The following GPC6 variants were observed in gnomAD, a reference collection of about 807,000 sequenced individuals.
GPC6 encodes glypican 6.
A neutral mutation model predicts 55.2 loss-of-function variants in GPC6; 14 were observed. The ratio of observed to expected loss-of-function variants is 0.25; its 90% CI spans 0.17 to 0.40. The LOEUF is 0.40. GPC6 is among the 10% of genes least tolerant of loss of function. The probability of loss-of-function intolerance (pLI) is 1.00; values close to 1 mark genes in which losing one functional copy is unlikely to be tolerated. For synonymous variants in GPC6, 278 were observed against 259.6 expected (o/e 1.07, Z -0.68); for missense variants, 641 against 708.5 (o/e 0.90, Z 1.08).
intron 1 of GPC6, among the ~76,000 whole-genome samples, chr13:93,304,522 G>C (rs1878790849): frequency 6.6e-6 from 1 of 152,116 alleles, no homozygotes; most frequent in African/African-American, 2.4e-5. Context: ...AGAGTCTGTG[G>C]CTCCATATGT....
At position 93,807,997 on chromosome 13, in the gene GPC6, T is replaced by C. The variant is rs150253061; in HGVS notation, c.320-22157T>C. Among the ~76,000 whole-genome samples the C allele has an allele frequency of 3.3e-5, 5 of 152,210 alleles. No individual in the cohort carries two copies. The East Asian group carries it at 9.7e-4, about 29-fold the overall frequency. On this transcript the variant is annotated intron_variant, in intron 2 of 8. Coordinates refer to ENST00000377047, the MANE Select transcript of GPC6 (RefSeq NM_005708.5). ...ATTATGAGTCTGACTTAATGAAGAG[T>C]AGATGGGTGACTTAGACAACATTGT...
At chr13:93,569,400 A>G (rs1876290446) in intron 2 of GPC6, among the ~76,000 whole-genome samples, 1 of 152,176 alleles carries the variant, frequency 6.6e-6, no homozygotes, top group Admixed American at 6.5e-5. Flanking sequence ...ATGTTAATAC[A>G]TATAAAGGAA....
chr13:93,610,191 A>T (rs539974823), intron 2 of GPC6, among the ~76,000 whole-genome samples: 4 of 152,264 alleles, frequency 2.6e-5, no homozygotes, highest in Admixed American at 2.0e-4. Flanking sequence ...TACGGAAAAA[A>T]CTTCGTAAGT....
chr13:93,442,475 A>G (rs1397634568), intron 1 of GPC6, among the ~76,000 whole-genome samples: 1 of 152,184 alleles, frequency 6.6e-6, no homozygotes. Context: ...TCTTTACTAT[A>G]TACAATTTTA....
At chr13:94,088,580 G>A (rs1885370067) in intron 4 of GPC6, among the ~76,000 whole-genome samples, 1 of 111,686 alleles carries the variant, frequency 9.0e-6, no homozygotes, top group Non-Finnish European at 2.0e-5. Context: ...GGGAAGGGAG[G>A]GGAGGGGAGG....
chr13:94,250,713 G>T (rs936265185), intron 4 of GPC6, among the ~76,000 whole-genome samples: 2 of 152,120 alleles, frequency 1.3e-5, no homozygotes, highest in Non-Finnish European at 2.9e-5. Flanking sequence ...AATAATCTGG[G>T]AATGGGGAAG....
chr13:94,126,047 A>G (rs1886796750), intron 4 of GPC6, among the ~76,000 whole-genome samples: 1 of 152,166 alleles, frequency 6.6e-6, no homozygotes, highest in Non-Finnish European at 1.5e-5. Context: ...GGAGGGCATC[A>G]TGATAACAAC....
At chr13:93,622,896 C>T (rs1353005876) in intron 2 of GPC6, among the ~76,000 whole-genome samples, 1 of 152,184 alleles carries the variant, frequency 6.6e-6, no homozygotes, top group African/African-American at 2.4e-5. Flanking sequence ...TAACCAATCT[C>T]TCCCCATTCC....
intron 3 of GPC6, among the ~76,000 whole-genome samples, chr13:93,856,157 A>G (rs1888602423): frequency 6.6e-6 from 1 of 151,500 alleles, no homozygotes; most frequent in South Asian, 2.1e-4. Flanking sequence ...TCTCTCCTTC[A>G]GGCTCAAGAG....
intron 3 of GPC6, among the ~76,000 whole-genome samples, chr13:93,879,956 A>G (rs966020679): frequency 1.1e-4 from 17 of 149,538 alleles, no homozygotes; most frequent in Admixed American, 1.3e-4. Flanking sequence ...CAAAAAACAC[A>G]TGAAAAAATG....
intron 4 of GPC6, among the ~76,000 whole-genome samples, chr13:94,271,020 C>G (rs1377943480): frequency 8.1e-6 from 1 of 122,942 alleles, no homozygotes; most frequent in Non-Finnish European, 1.6e-5. Flanking sequence ...GACGGAGTCT[C>G]GCTCTGTCGC....
chr13:94,128,816 C>G (rs1286326429), intron 4 of GPC6, among the ~76,000 whole-genome samples: 1 of 152,152 alleles, frequency 6.6e-6, no homozygotes, highest in Non-Finnish European at 1.5e-5. Flanking sequence ...TATCTTTATT[C>G]AGAAGGTCGG....
At chr13:93,476,593 A>C (rs114969071) in intron 1 of GPC6, among the ~76,000 whole-genome samples, 2 of 152,210 alleles carry the variant, frequency 1.3e-5, no homozygotes, top group Non-Finnish European at 2.9e-5. Context: ...TTCTTAATAC[A>C]TAATTGTTGA....
Position 93,672,215 on chromosome 13 carries a change from ATG to A in GPC6, c.319+126810_319+126811del, listed in dbSNP as rs768893805. Among the ~76,000 whole-genome samples the A allele has an allele frequency of 5.5e-3, 787 of 142,482 alleles. 6 individuals carry two copies. Among genetic ancestry groups the A allele is most frequent in the African/African-American group, 0.017 (676 of 38,676 alleles). 93.5% of individuals were successfully genotyped at this position (142,482 alleles called of 152,430 possible). The stretch of plus-strand genomic sequence containing the variant: ...TTAATGACTGTGTGTGTGTGTGTAT[ATG>A]TGTGTGTGTGTGTGTATATATGTAT... On this transcript the variant is annotated intron_variant, in intron 2 of 8. Transcript: ENST00000377047.
At chr13:94,340,951 A>G (rs1399411830) in intron 6 of GPC6, among the ~76,000 whole-genome samples, 3 of 152,246 alleles carry the variant, frequency 2.0e-5, no homozygotes, top group South Asian at 2.1e-4. Flanking sequence ...CTCATTACTG[A>G]GAAACATCTG....
chr13:94,349,955 G>C (rs981715764), intron 6 of GPC6, among the ~76,000 whole-genome samples: 2 of 152,038 alleles, frequency 1.3e-5, no homozygotes, highest in East Asian at 1.9e-4. Flanking sequence ...CCAACAATTC[G>C]AGTTTGTTGA....
At chr13:93,556,765 A>G (rs1875504941) in intron 2 of GPC6, among the ~76,000 whole-genome samples, 1 of 151,570 alleles carries the variant, frequency 6.6e-6, no homozygotes, top group Non-Finnish European at 1.5e-5. Flanking sequence ...GTTCAATTGT[A>G]TTTATTTTTA....
At chr13:93,261,079 A>C (rs957280972) in intron 1 of GPC6, among the ~76,000 whole-genome samples, 1 of 152,074 alleles carries the variant, frequency 6.6e-6, no homozygotes, top group Non-Finnish European at 1.5e-5. Flanking sequence ...ATTCCTCTAG[A>C]CCCAAGGACC....
At chr13:93,360,237 C>T (rs9556285) in intron 1 of GPC6, among the ~76,000 whole-genome samples, 46,555 of 152,010 alleles carry the variant, frequency 0.31, 8,142 homozygotes, top group East Asian at 0.79. Context: ...TCGGAATCGT[C>T]AAGTATAAGG....
Sources: gnomAD v4.1 joint callset for allele counts (sites outside exome capture counted in the v4.1 genomes callset) on GRCh38, gnomAD v4.1.1 for gene constraint, MANE v1.5 for transcripts, NCBI Gene and HGNC (gene_info 2026-07-23, HGNC 2026-07-21) for gene names.